MSRA: variants seen among roughly 807,000 people sequenced by gnomAD.
MSRA encodes mitochondrial peptide methionine sulfoxide reductase.
In MSRA, 54 loss-of-function variants were observed where a neutral mutation model predicts 31.3. That is an observed-to-expected ratio of 1.73 (90% CI 1.39 to 2.17). The LOEUF is 2.17. MSRA is among the 30% of genes most tolerant of loss of function. The probability of loss-of-function intolerance (pLI) is 0.00; values close to 1 mark genes in which losing one functional copy is unlikely to be tolerated. For synonymous variants in MSRA, 169 were observed against 116.5 expected (o/e 1.45, Z -2.90); for missense variants, 507 against 300.9 (o/e 1.69, Z -5.07).
intron 1 of MSRA, among the ~76,000 whole-genome samples, chr8:10,066,965 C>T (rs530776210): frequency 2.0e-5 from 3 of 152,128 alleles, no homozygotes; most frequent in South Asian, 4.1e-4. Context: ...TGAGTTTCCC[C>T]TGTTAACGTC....
chr8:10,247,321 T>C (rs1284536726), intron 3 of MSRA, among the ~76,000 whole-genome samples: 2 of 152,158 alleles, frequency 1.3e-5, no homozygotes, highest in Non-Finnish European at 2.9e-5. Context: ...CCTCATTAGC[T>C]CTCAGCTCAA....
intron 1 of MSRA, among the ~76,000 whole-genome samples, chr8:10,147,704 G>A (rs1044822615): frequency 6.6e-6 from 1 of 152,084 alleles, no homozygotes. Flanking sequence ...TAACGAGAAG[G>A]GTGCTCAACC....
intron 2 of MSRA, among the ~76,000 whole-genome samples, chr8:10,236,259 A>G (rs1390997325): frequency 1.3e-5 from 2 of 152,170 alleles, no homozygotes; most frequent in Non-Finnish European, 2.9e-5. Flanking sequence ...TCCTAGGCCA[A>G]TGCAATACAA....
intron 1 of MSRA, among the ~76,000 whole-genome samples, chr8:10,070,000 C>T (rs1281689574): frequency 6.6e-6 from 1 of 152,182 alleles, no homozygotes; most frequent in Non-Finnish European, 1.5e-5. Flanking sequence ...ATGGTAAGTG[C>T]TTACGGGTAC....
intron 5 of MSRA, among the ~76,000 whole-genome samples, chr8:10,352,566 T>C (rs919431039): frequency 6.6e-6 from 1 of 152,064 alleles, no homozygotes; most frequent in African/African-American, 2.4e-5. Flanking sequence ...GCAGCTGCAA[T>C]TTGCTGGTTA....
chr8:10,248,344 C>G lies in MSRA; in HGVS notation c.331+3121C>G, dbSNP rs117298097. ...TTGAGCTTAAGGTACCATGTGGTTT[C>G]TTGGGGCAGATGCCAGAAATATAGG... On this transcript the variant is annotated intron_variant, in intron 3 of 5. Coordinates refer to ENST00000317173, the MANE Select transcript of MSRA (RefSeq NM_012331.5). Among the ~76,000 whole-genome samples the G allele has an allele frequency of 8.7e-3, 1,318 of 152,318 alleles. 11 individuals are homozygous for G. Among genetic ancestry groups the G allele is most frequent in the South Asian group, 0.049 (234 of 4,820 alleles).
chr8:10,082,319 A>T (rs1798335832), intron 1 of MSRA, among the ~76,000 whole-genome samples: 1 of 152,018 alleles, frequency 6.6e-6, no homozygotes, highest in Non-Finnish European at 1.5e-5. Context: ...GTGATGGGGG[A>T]GGGGCCACAC....
In MSRA at chr8:10,428,253, A is replaced by C. The variant is rs202057562; in HGVS notation, c.649A>C (p.Asn217His). The C allele has an allele frequency of 2.1e-5, 34 of 1,614,030 alleles. No homozygotes were observed. The highest frequency in any genetic ancestry group is 1.7e-4 in the Middle Eastern group (1 of 6,060). Residue 217 changes from asparagine (N) to histidine (H), a missense_variant, in exon 6 of 6, where the codon AAT becomes CAT. By Grantham distance (68) the Asn-to-His change is moderately conservative. Transcript: ENST00000317173. ...YHQQYLSKNP[N>H]GYCGLGGTGV... ...CCAGCAGTACCTGAGCAAGAACCCC[A>C]ATGGCTACTGCGGCCTTGGGGGCAC...
At chr8:10,231,646 T>C (rs1811483533) in intron 2 of MSRA, among the ~76,000 whole-genome samples, 1 of 152,226 alleles carries the variant, frequency 6.6e-6, no homozygotes, top group Admixed American at 6.5e-5. Flanking sequence ...CTCACGCCTG[T>C]AATCCCAACA....
intron 1 of MSRA, among the ~76,000 whole-genome samples, chr8:10,066,455 A>C (rs1797458929): frequency 6.6e-6 from 1 of 152,246 alleles, no homozygotes; most frequent in Admixed American, 6.5e-5. Context: ...TTTTTATAAA[A>C]ATGGACCAGA....
intron 5 of MSRA, among the ~76,000 whole-genome samples, chr8:10,391,209 G>A (rs940499511): frequency 1.3e-5 from 2 of 152,240 alleles, no homozygotes; most frequent in Middle Eastern, 3.4e-3. Context: ...TAAGTCATTG[G>A]TCACACACCC....
intron 3 of MSRA, among the ~76,000 whole-genome samples, chr8:10,279,520 C>T (rs1005748820): frequency 5.3e-5 from 8 of 152,264 alleles, no homozygotes; most frequent in East Asian, 1.9e-4. Flanking sequence ...ACCCCCCACA[C>T]GCCTTCTCTG....
At chr8:10,422,565 T>G (rs1336773143) in intron 5 of MSRA, among the ~76,000 whole-genome samples, 1 of 152,140 alleles carries the variant, frequency 6.6e-6, no homozygotes, top group African/African-American at 2.4e-5. Flanking sequence ...CCTGCTGACT[T>G]CTTTCTAAAA....
At chr8:10,197,634 C>T (rs1421763305) in intron 1 of MSRA, among the ~76,000 whole-genome samples, 1 of 152,142 alleles carries the variant, frequency 6.6e-6, no homozygotes, top group Non-Finnish European at 1.5e-5. Context: ...TGCAGATCCC[C>T]AGGCCTTGGT....
At position 10,295,573 on chromosome 8, in the gene MSRA, G is replaced by A. The variant is rs1349896541; in HGVS notation, c.332-5961G>A. Among the ~76,000 whole-genome samples, 11 of 152,236 alleles carry A rather than the reference G, an allele frequency of 7.2e-5. No homozygotes were observed. In the East Asian group the frequency reaches 1.4e-3, roughly 19 times the overall value. The stretch of plus-strand genomic sequence containing the variant: ...CTGCTCGGCCTCCCTCCCAAATCTC[G>A]TCTACATAAGACCTGCTTCCCTGCT... On this transcript the variant is annotated intron_variant, in intron 3 of 5. Transcript: ENST00000317173.
At chr8:10,079,093 T>C (rs1349867325) in intron 1 of MSRA, among the ~76,000 whole-genome samples, 2 of 152,198 alleles carry the variant, frequency 1.3e-5, no homozygotes, top group Non-Finnish European at 2.9e-5. Flanking sequence ...AGTTTAGCGT[T>C]GCCCGCAGGC....
chr8:10,236,143 C>T (rs1441937335), intron 2 of MSRA, among the ~76,000 whole-genome samples: 1 of 152,136 alleles, frequency 6.6e-6, no homozygotes, highest in Non-Finnish European at 1.5e-5. Context: ...TAAAGGATAT[C>T]TTGCAAAAAC....
chr8:10,381,555 C>T (rs1806071195), intron 5 of MSRA, among the ~76,000 whole-genome samples: 1 of 152,182 alleles, frequency 6.6e-6, no homozygotes, highest in Non-Finnish European at 1.5e-5. Flanking sequence ...GAGTCAAATC[C>T]ATCTGCTGTC....
At chr8:10,215,787 G>C (rs973031827) in intron 2 of MSRA, among the ~76,000 whole-genome samples, 3 of 152,116 alleles carry the variant, frequency 2.0e-5, no homozygotes, top group African/African-American at 4.8e-5. Flanking sequence ...AATCAGATGT[G>C]GCTAATTTTT....
Sources: gnomAD v4.1 joint callset for allele counts (sites outside exome capture counted in the v4.1 genomes callset) on GRCh38, gnomAD v4.1.1 for gene constraint, MANE v1.5 for transcripts, NCBI Gene and HGNC (gene_info 2026-07-23, HGNC 2026-07-21) for gene names.